The following DACH1 variants were observed in gnomAD, a reference collection of about 807,000 sequenced individuals.
DACH1 encodes the protein dachshund family transcription factor 1, also known as dachshund homolog 1.
In DACH1, 12 loss-of-function variants were observed where a neutral mutation model predicts 54.2. That is an observed-to-expected ratio of 0.22 (90% CI 0.14 to 0.36). DACH1 has a LOEUF of 0.36. Ranked by LOEUF, DACH1 falls within the 10% of genes least tolerant of loss-of-function variation. The probability of loss-of-function intolerance (pLI) is 1.00; values close to 1 mark genes in which losing one functional copy is unlikely to be tolerated. For synonymous variants in DACH1, 386 were observed against 366.2 expected, an observed-to-expected ratio of 1.05 and a Z score of -0.62; for missense variants, 805 against 929.8, an observed-to-expected ratio of 0.87 and a Z score of 1.75.
At chr13:71,703,750 T>C (rs554880050) in intron 1 of DACH1, among the ~76,000 whole-genome samples, 91 of 152,250 alleles carry the variant, frequency 6.0e-4, no homozygotes, top group Non-Finnish European at 1.0e-3. Context: ...GCAAATCTGC[T>C]CCTTCAAGTT....
chr13:71,557,260 T>A, intron 5 of DACH1, 102 bp from the exon 6 acceptor site: 2 of 875,134 alleles, frequency 2.3e-6, no homozygotes, highest in Non-Finnish European at 3.2e-6. Context: ...CAACAGTAAC[T>A]ATAATATTAA....
At position 71,865,959 on chromosome 13, in the gene DACH1, C is replaced by G; in HGVS notation, c.811G>C (p.Asp271His). ...VNRCKLISRK[D>H]FETLYNDCTN... ...CAGTCATTGTAGAGGGTCTCGAAGT[C>G]CTTCCTGGAGATGAGTTTGCAGCGG... The change falls in exon 1 of 11, where the codon GAC becomes CAC. Residue 271 changes from aspartate to histidine, a missense_variant. Asp to His is a moderately conservative substitution (Grantham distance 81). Transcript: ENST00000613252. 1 of 1,613,848 alleles carries G rather than the reference C, an allele frequency of 6.2e-7. No individual in the cohort carries two copies. Among genetic ancestry groups the G allele is most frequent in the Non-Finnish European group, 8.5e-7 (1 of 1,179,900 alleles).
At chr13:71,709,299 G>T (rs1463074566) in intron 1 of DACH1, among the ~76,000 whole-genome samples, 1 of 151,804 alleles carries the variant, frequency 6.6e-6, no homozygotes, top group Non-Finnish European at 1.5e-5. Flanking sequence ...TATTATCCAT[G>T]GTTTTGCTCT....
chr13:71,685,022 G>A (rs1881091465), intron 1 of DACH1, among the ~76,000 whole-genome samples: 1 of 152,140 alleles, frequency 6.6e-6, no homozygotes, highest in South Asian at 2.1e-4. Flanking sequence ...GAACAAGGAA[G>A]TTAAAAGATT....
chr13:71,716,558 A>G (rs1375167854), intron 1 of DACH1, among the ~76,000 whole-genome samples: 1 of 152,064 alleles, frequency 6.6e-6, no homozygotes, highest in African/African-American at 2.4e-5. Flanking sequence ...ACCAATTCTC[A>G]CCAACTTCTT....
intron 1 of DACH1, among the ~76,000 whole-genome samples, chr13:71,852,414 A>G (rs1179762988): frequency 1.3e-5 from 2 of 152,038 alleles, no homozygotes; most frequent in Admixed American, 6.5e-5. Flanking sequence ...GTGTTCTCCA[A>G]CTACAAGAAG....
At chr13:71,792,893 A>G (rs1011084417) in intron 1 of DACH1, among the ~76,000 whole-genome samples, 6 of 152,194 alleles carry the variant, frequency 3.9e-5, no homozygotes, top group African/African-American at 1.4e-4. Context: ...AGGAGAGGAC[A>G]GAATGAAAGA....
At position 71,557,126 on chromosome 13, in the gene DACH1, T is replaced by A; in HGVS notation, c.1468A>T (p.Met490Leu). ...VHQNGLSMNQ[M>L]LMGLSPNVLP... ...ACATTTGGTGATAAGCCCATCAGCA[T>A]CTGGTTCATGGACAACCCATTCTGA... Residue 490 changes from methionine to leucine, a missense_variant, in exon 6 of 11, where the codon ATG (methionine) becomes TTG (leucine). Coordinates refer to ENST00000613252, the MANE Select transcript of DACH1 (RefSeq NM_080759.6). The A allele has an allele frequency of 6.2e-7, 1 of 1,612,034 alleles. No individual in the cohort carries two copies. The highest frequency in any genetic ancestry group is 8.5e-7 in the Non-Finnish European group (1 of 1,179,146).
chr13:71,850,511 T>A (rs1468108681), intron 1 of DACH1, among the ~76,000 whole-genome samples: 1 of 152,158 alleles, frequency 6.6e-6, no homozygotes, highest in Non-Finnish European at 1.5e-5. Flanking sequence ...TCTAAAAGAA[T>A]GAACACTTCG....
chr13:71,541,652 A>G (rs1883133512), intron 6 of DACH1, among the ~76,000 whole-genome samples: 1 of 152,076 alleles, frequency 6.6e-6, no homozygotes, highest in Non-Finnish European at 1.5e-5. Context: ...TATCACATGA[A>G]TCATTTGTTG....
At chr13:71,697,968 T>G (rs1881914700) in intron 1 of DACH1, among the ~76,000 whole-genome samples, 1 of 152,202 alleles carries the variant, frequency 6.6e-6, no homozygotes, top group South Asian at 2.1e-4. Flanking sequence ...ATGACATTAA[T>G]GCCAGAAAGT....
chr13:71,685,098 T>C (rs1442426262), intron 1 of DACH1, among the ~76,000 whole-genome samples: 3 of 152,186 alleles, frequency 2.0e-5, no homozygotes, highest in African/African-American at 4.8e-5. Context: ...GAGTACTTTA[T>C]TATTCTGGCC....
At chr13:71,536,066 A>C (rs896662909) in intron 6 of DACH1, among the ~76,000 whole-genome samples, 1 of 152,074 alleles carries the variant, frequency 6.6e-6, no homozygotes, top group Admixed American at 6.6e-5. Context: ...GTAAATGATT[A>C]AGAGAAATGT....
chr13:71,811,078 C>A (rs908006199), intron 1 of DACH1, among the ~76,000 whole-genome samples: 3 of 152,066 alleles, frequency 2.0e-5, no homozygotes, highest in Non-Finnish European at 4.4e-5. Flanking sequence ...CCCTTCCATA[C>A]TAATTCACCA....
chr13:71,727,053 C>T (rs1199406362), intron 1 of DACH1, among the ~76,000 whole-genome samples: 1 of 151,888 alleles, frequency 6.6e-6, no homozygotes, highest in Admixed American at 6.6e-5. Context: ...CCTGATTTTC[C>T]GCTTTTGTAA....
chr13:71,529,580 C>G (rs938832522), intron 6 of DACH1, among the ~76,000 whole-genome samples: 1 of 152,142 alleles, frequency 6.6e-6, no homozygotes, highest in African/African-American at 2.4e-5. Flanking sequence ...TCTATTCTCT[C>G]TCTTGTGCTA....
At position 71,866,275 on chromosome 13, in the gene DACH1, G is replaced by A. The variant is rs192722236; in HGVS notation, c.495C>T (p.Gly165=). Residue 165 remains glycine (G), a synonymous_variant, in exon 1 of 11, where the codon GGC becomes GGT. Transcript: ENST00000613252. The part of the protein sequence containing the change: ...SSSSSSSSSC[G]PLPGKPVYST... Reference sequence around the variant, plus strand: ...AGTACACGGGTTTCCCGGGGAGGGGGCCGCAGCTGCTGCTGCTACTGCTGC... The same window carrying A: ...AGTACACGGGTTTCCCGGGGAGGGGACCGCAGCTGCTGCTGCTACTGCTGC... 4.4e-6 allele frequency: 7 copies of A among 1,588,590 alleles called. No individual in the cohort carries two copies. Among genetic ancestry groups the A allele is most frequent in the East Asian group, 2.3e-5 (1 of 43,480 alleles).
intron 8 of DACH1, among the ~76,000 whole-genome samples, chr13:71,477,921 C>A (rs1877718154): frequency 6.6e-6 from 1 of 152,112 alleles, no homozygotes; most frequent in African/African-American, 2.4e-5. Context: ...ACGGTGTGAT[C>A]TGTGAATGTT....
chr13:71,808,393 C>A (rs1293062617), intron 1 of DACH1, among the ~76,000 whole-genome samples: 4 of 152,078 alleles, frequency 2.6e-5, no homozygotes, highest in Non-Finnish European at 4.4e-5. Flanking sequence ...AAACATCTGT[C>A]TGCAGAATTT....
Sources: gnomAD v4.1 joint callset for allele counts (sites outside exome capture counted in the v4.1 genomes callset) on GRCh38, gnomAD v4.1.1 for gene constraint, MANE v1.5 for transcripts, NCBI Gene and HGNC (gene_info 2026-07-23, HGNC 2026-07-21) for gene names.